Variants in MTUS2 observed in about 807,000 individuals in gnomAD.
MTUS2 encodes microtubule-associated tumor suppressor candidate 2.
MTUS2 carries 40 observed loss-of-function variants against 114.1 expected under a neutral mutation model. The ratio of observed to expected loss-of-function variants is 0.35; its 90% CI spans 0.27 to 0.46. The LOEUF (loss-of-function observed/expected upper bound fraction) is 0.46, where lower values mean the gene tolerates loss of function less well. MTUS2 is among the 20% of genes least tolerant of loss of function. The pLI is 1.00. For synonymous variants in MTUS2, 688 were observed against 672.0 expected (o/e 1.02, Z -0.37); for missense variants, 1,679 against 1,705.4 (o/e 0.98, Z 0.27).
chr13:29,070,520 A>AT (rs1295310234), intron 4 of MTUS2, among the ~76,000 whole-genome samples: 20 of 150,564 alleles, frequency 1.3e-4, no homozygotes, highest in Admixed American at 2.0e-4. Flanking sequence ...AGGTGATCTG[A>AT]TTTCTTTTTT....
intron 2 of MTUS2, among the ~76,000 whole-genome samples, chr13:28,940,513 A>G (rs532272784): frequency 6.6e-6 from 1 of 152,288 alleles, no homozygotes; most frequent in East Asian, 1.9e-4. Flanking sequence ...CTGTTACTGG[A>G]GTTATCAAAC....
intron 11 of MTUS2, chr13:29,490,093 TTTA>T (rs1013260853): frequency 1.1e-4 from 17 of 152,278 alleles, no homozygotes; most frequent in Admixed American, 9.8e-4. Context: ...AGCTAAAAAA[TTTA>T]TTATTATGGT....
chr13:28,949,664 G>C lies in MTUS2; in HGVS notation c.-242-74793G>C, dbSNP rs115569645. ...CACCACCATTCTACTCTGTCTCTAT[G>C]AATATGACTGCTCTGGTACCTTATG... On this transcript the variant is annotated intron_variant, in intron 2 of 15. Transcript: ENST00000612955. Among the ~76,000 whole-genome samples the C allele has an allele frequency of 5.0e-3, 763 of 152,194 alleles. 9 individuals are homozygous for C. The highest frequency in any genetic ancestry group is 0.018 in the African/African-American group (738 of 41,512).
At chr13:28,832,510 A>AT (rs35730821) in intron 1 of MTUS2, among the ~76,000 whole-genome samples, 17 of 150,358 alleles carry the variant, frequency 1.1e-4, no homozygotes, top group African/African-American at 3.7e-4. Context: ...ACTTAGAGGG[A>AT]TTTTTTTTTT....
chr13:28,859,509 C>T (rs2138060147), intron 2 of MTUS2, among the ~76,000 whole-genome samples: 1 of 152,298 alleles, frequency 6.6e-6, no homozygotes, highest in East Asian at 1.9e-4. Flanking sequence ...CATGTGCTGG[C>T]TGCTTAGGCC....
intron 15 of MTUS2, 97 bp from the exon 16 acceptor site, chr13:29,502,896 A>G (rs1315341064): frequency 3.2e-6 from 4 of 1,255,024 alleles, no homozygotes; most frequent in Non-Finnish European, 4.6e-6. Flanking sequence ...CCCTGCGGTC[A>G]TCATGGCCTC....
chr13:29,414,214 C>A (rs1175724386), intron 8 of MTUS2, among the ~76,000 whole-genome samples: 2 of 43,488 alleles, frequency 4.6e-5, no homozygotes, highest in Non-Finnish European at 8.7e-5. Context: ...AACAAAAAAC[C>A]AAACACCGCA....
chr13:29,115,797 G>T (rs146901910), intron 5 of MTUS2, among the ~76,000 whole-genome samples: 41 of 152,328 alleles, frequency 2.7e-4, no homozygotes, highest in African/African-American at 9.9e-4. Context: ...TAATTTACTT[G>T]TTTGGGCCTC....
intron 2 of MTUS2, among the ~76,000 whole-genome samples, chr13:28,894,550 G>A (rs1018295945): frequency 9.2e-5 from 14 of 152,282 alleles, no homozygotes; most frequent in African/African-American, 3.1e-4. Flanking sequence ...TGTCCACTCC[G>A]TGGTGTTTTG....
intron 5 of MTUS2, among the ~76,000 whole-genome samples, chr13:29,132,947 G>A (rs547728956): frequency 1.8e-4 from 27 of 151,668 alleles, no homozygotes; most frequent in East Asian, 5.8e-4. Flanking sequence ...ACTGTTTTCC[G>A]TAACAGCTGT....
chr13:28,866,490 G>A (rs898748604), intron 2 of MTUS2, among the ~76,000 whole-genome samples: 1 of 152,136 alleles, frequency 6.6e-6, no homozygotes, highest in Non-Finnish European at 1.5e-5. Flanking sequence ...TATGGCATCT[G>A]TGCTTCTTGG....
At chr13:29,457,129 C>T (rs1441332447) in intron 9 of MTUS2, among the ~76,000 whole-genome samples, 1 of 144,766 alleles carries the variant, frequency 6.9e-6, no homozygotes, top group South Asian at 2.2e-4. Flanking sequence ...TGGGCGACAG[C>T]GAGACTCCAT....
intron 5 of MTUS2, among the ~76,000 whole-genome samples, chr13:29,188,934 A>G (rs1339364480): frequency 6.6e-6 from 1 of 152,070 alleles, no homozygotes; most frequent in African/African-American, 2.4e-5. Context: ...CAATCCCTAA[A>G]TTCTTCAGAC....
At chr13:29,100,053 A>G (rs1016925778) in intron 4 of MTUS2, among the ~76,000 whole-genome samples, 1 of 152,240 alleles carries the variant, frequency 6.6e-6, no homozygotes, top group African/African-American at 2.4e-5. Context: ...AAGAAATCTA[A>G]CATCAGTTTG....
intron 3 of MTUS2, among the ~76,000 whole-genome samples, chr13:29,029,807 C>T (rs145460533): frequency 1.6e-3 from 250 of 152,212 alleles, no homozygotes; most frequent in Middle Eastern, 0.01. Flanking sequence ...CTTTAAGGAC[C>T]AGCTCTCATG....
intron 5 of MTUS2, among the ~76,000 whole-genome samples, chr13:29,270,024 A>G (rs533624513): frequency 4.6e-5 from 7 of 152,112 alleles, no homozygotes; most frequent in African/African-American, 1.7e-4. Context: ...AGAAGCAGAG[A>G]GTGGAATGGT....
chr13:29,234,859 CTT>C (rs960504848), intron 5 of MTUS2, among the ~76,000 whole-genome samples: 9 of 151,162 alleles, frequency 6.0e-5, no homozygotes, highest in Admixed American at 3.3e-4. Context: ...GGAGTTACCA[CTT>C]TTTTTTTATT....
chr13:29,308,578 T>C (rs903552482), intron 6 of MTUS2, among the ~76,000 whole-genome samples: 3 of 152,218 alleles, frequency 2.0e-5, no homozygotes, highest in African/African-American at 4.8e-5. Context: ...AAAGAGCTTC[T>C]GCACGGCAAA....
chr13:28,939,617 A>AT (rs1234135057), intron 2 of MTUS2, among the ~76,000 whole-genome samples: 3 of 152,228 alleles, frequency 2.0e-5, no homozygotes, highest in Non-Finnish European at 4.4e-5. Flanking sequence ...TTCAGGATCA[A>AT]TTTTTTGCTA....
Sources: allele counts gnomAD v4.1 joint callset (sites outside exome capture counted in the v4.1 genomes callset), GRCh38; gene constraint gnomAD v4.1.1; transcripts MANE v1.5; gene names NCBI Gene and HGNC (gene_info 2026-07-23, HGNC 2026-07-21).